MAN2B2: variants seen among roughly 807,000 people sequenced by gnomAD.
MAN2B2 encodes mannosidase alpha class 2B member 2.
Under a neutral mutation model 117.1 loss-of-function variants are expected in MAN2B2, and 106 were observed. That is an observed-to-expected ratio of 0.90 (90% CI 0.77 to 1.06). MAN2B2 has a LOEUF of 1.06. Ranked by LOEUF, MAN2B2 falls within the 50% of genes least tolerant of loss-of-function variation. The pLI is 0.00. For synonymous variants in MAN2B2, 544 were observed against 595.1 expected (o/e 0.91, Z 1.25); for missense variants, 1,326 against 1,381.4 (o/e 0.96, Z 0.64).
In MAN2B2 at chr4:6,575,245, C is replaced by G; in HGVS notation, c.35C>G (p.Pro12Arg). The change falls in exon 1 of 19, where the codon CCG becomes CGG. Residue 12 changes from proline (P) to arginine (R), a missense_variant. Coordinates refer to ENST00000285599, the MANE Select transcript of MAN2B2 (RefSeq NM_015274.3). Reference sequence around the variant, plus strand: ...CTGTGCTGGCTGCCGCTGCTGGCACCGCTCCTGTTGCTGCGACCGCCAGGG... The same window carrying G: ...CTGTGCTGGCTGCCGCTGCTGGCACGGCTCCTGTTGCTGCGACCGCCAGGG... ...GQLCWLPLLAPLLLLRPPGVQ... is the reference protein window; with the variant it reads ...GQLCWLPLLARLLLLRPPGVQ... 1 of 1,542,630 alleles carries G rather than the reference C, an allele frequency of 6.5e-7. No homozygotes were observed. The highest frequency in any genetic ancestry group is 1.2e-5 in the South Asian group (1 of 84,452).
intron 3 of MAN2B2, among the ~76,000 whole-genome samples, chr4:6,578,980 GATGACCATCACTACCACTACCATC>G (rs1726177566): frequency 1.2e-5 from 1 of 84,624 alleles, no homozygotes; most frequent in African/African-American, 4.3e-5. Flanking sequence ...CCACCACCAC[GATGACCATCACTACCACTACCATC>G]ACCACCACCA....
chr4:6,590,391 A>G (rs892961348), intron 5 of MAN2B2, among the ~76,000 whole-genome samples: 3 of 152,070 alleles, frequency 2.0e-5, no homozygotes, highest in Non-Finnish European at 4.4e-5. Flanking sequence ...GTCTCAATCA[A>G]TCAATCAATC....
intron 2 of MAN2B2, among the ~76,000 whole-genome samples, chr4:6,577,474 C>T (rs1416480016): frequency 1.3e-5 from 2 of 152,182 alleles, no homozygotes; most frequent in African/African-American, 4.8e-5. Context: ...GAGAGCAGGG[C>T]GTCCACCAGG....
At chr4:6,589,330 T>A (rs1726771301) in intron 5 of MAN2B2, among the ~76,000 whole-genome samples, 170 bp downstream of exon 5, 1 of 152,194 alleles carries the variant, frequency 6.6e-6, no homozygotes, top group Non-Finnish European at 1.5e-5. Flanking sequence ...AACCTCCGCC[T>A]CCTGGGTTCA....
At chr4:6,587,206 G>T (rs558834192) in intron 4 of MAN2B2, 38 bp downstream of exon 4, 3 of 1,596,342 alleles carry the variant, frequency 1.9e-6, no homozygotes, top group Admixed American at 1.7e-5. Flanking sequence ...CCCAGCGACC[G>T]CTCCTCCCTT....
intron 3 of MAN2B2, among the ~76,000 whole-genome samples, chr4:6,582,501 G>A (rs553768892): frequency 2.6e-5 from 4 of 152,124 alleles, no homozygotes; most frequent in African/African-American, 9.6e-5. Flanking sequence ...ACCATGCCCA[G>A]CTAATTTTCA....
At chr4:6,602,738 C>G (rs932987945) in intron 10 of MAN2B2, among the ~76,000 whole-genome samples, 13 of 150,972 alleles carry the variant, frequency 8.6e-5, no homozygotes, top group African/African-American at 2.9e-4. Context: ...GGCACAATCA[C>G]AGCTCACTGC....
chr4:6,591,286 G>T (rs1170560025), intron 5 of MAN2B2, among the ~76,000 whole-genome samples: 2 of 152,218 alleles, frequency 1.3e-5, no homozygotes, highest in East Asian at 1.9e-4. Flanking sequence ...TGAGGGAGGG[G>T]TCCTCACCCT....
At chr4:6,620,754 G>A (rs1577300351) in intron 18 of MAN2B2, 2 of 167,382 alleles carry the variant, frequency 1.2e-5, no homozygotes, top group Admixed American at 6.2e-5. Context: ...ATAAGTGGAC[G>A]GCTCCCTCCC....
chr4:6,597,209 T>C lies in MAN2B2; in HGVS notation c.1154T>C (p.Met385Thr), dbSNP rs755253715. ...ASALLYAGES[M>T]FTRYLWPAPR... ...GCCTTGTTGTATGCCGGGGAGTCCA[T>C]GTTCACACGCTACCTGTGGCCGGCC... The change falls in exon 8 of 19, where the codon ATG becomes ACG. Residue 385 changes from methionine to threonine, a missense_variant. Transcript: ENST00000285599. 3.7e-6 allele frequency: 6 copies of C among 1,611,226 alleles called. No homozygotes were observed. Among genetic ancestry groups the C allele is most frequent in the African/African-American group, 1.3e-5 (1 of 74,986 alleles).
chr4:6,600,276 C>T (rs1294189744), intron 9 of MAN2B2, among the ~76,000 whole-genome samples: 2 of 152,208 alleles, frequency 1.3e-5, no homozygotes, highest in Non-Finnish European at 2.9e-5. Flanking sequence ...AGCTGGGTCA[C>T]CTTGGGCAAG....
intron 15 of MAN2B2, among the ~76,000 whole-genome samples, 197 bp from the exon 16 acceptor site, chr4:6,614,021 T>C (rs1044923078): frequency 4.3e-4 from 66 of 152,210 alleles, no homozygotes; most frequent in African/African-American, 1.4e-3. Context: ...AGCTCTATGG[T>C]CTGAGCAAAG....
chr4:6,590,001 A>G (rs1297214745), intron 5 of MAN2B2, among the ~76,000 whole-genome samples: 1 of 152,022 alleles, frequency 6.6e-6, no homozygotes, highest in Non-Finnish European at 1.5e-5. Flanking sequence ...CAGGAGTTGG[A>G]GGCTACAGTG....
At position 6,610,026 on chromosome 4, in the gene MAN2B2, C is replaced by T. The variant is rs756898339; in HGVS notation, c.2235C>T (p.Ser745=). The T allele has an allele frequency of 2.5e-6, 4 of 1,614,164 alleles. No individual in the cohort carries two copies. Among genetic ancestry groups the T allele is most frequent in the East Asian group, 2.2e-5 (1 of 44,876 alleles). The change falls in exon 13 of 19, where the codon TCC becomes TCT. Residue 745 remains serine, a synonymous_variant. Transcript: ENST00000285599. The stretch of plus-strand genomic sequence containing the variant: ...AGATGCAGCGGAGGCCCTACGTTTC[C>T]TATGTGAACAACAGCATCGCCCGGG... ...GYQMQRRPYV[S]YVNNSIARNY...
chr4:6,621,297 A>T lies in MAN2B2; in HGVS notation c.*12A>T, dbSNP rs774676374. The T allele has an allele frequency of 1.2e-6, 2 of 1,608,248 alleles. No individual in the cohort carries two copies. Among genetic ancestry groups the T allele is most frequent in the African/African-American group, 2.7e-5 (2 of 74,792 alleles). ...TTCAACAGCAGTGAGCCCTGGGCAG[A>T]TGCCCCGGCCCCAGGGCTTCCCCCA... is the stretch of plus-strand genomic sequence containing the variant. On this transcript the variant is annotated 3_prime_UTR_variant, in exon 19 of 19. Coordinates refer to ENST00000285599, the MANE Select transcript of MAN2B2 (RefSeq NM_015274.3).
At chr4:6,587,629 G>A (rs974790070) in intron 4 of MAN2B2, among the ~76,000 whole-genome samples, 2 of 152,272 alleles carry the variant, frequency 1.3e-5, no homozygotes, top group South Asian at 2.1e-4. Flanking sequence ...CATGGTAGAC[G>A]CTGCCTTCGA....
Position 6,598,444 on chromosome 4 carries a change from G to C in MAN2B2, c.1405+90G>C, listed in dbSNP as rs1727196213. On this transcript the variant is annotated intron_variant, in intron 9 of 18. Coordinates refer to ENST00000285599, the MANE Select transcript of MAN2B2 (RefSeq NM_015274.3). ...GAGGGGCTCAACGACCCCAGCTTCA[G>C]ACTCTGAGTCCACATCACCCATATC... 3 of 1,387,468 alleles carry C rather than the reference G, an allele frequency of 2.2e-6. No individual in the cohort carries two copies. The Admixed American group carries it at 6.6e-5, about 30-fold the overall frequency. The allele number at this position is 1,387,468 out of a possible 1,614,324, so 85.9% of individuals were successfully genotyped here.
In MAN2B2 at chr4:6,598,295, T is replaced by C; in HGVS notation, c.1346T>C (p.Leu449Pro). 1.2e-6 allele frequency: 2 copies of C among 1,613,622 alleles called. No homozygotes were observed. Among genetic ancestry groups the C allele is most frequent in the Non-Finnish European group, 1.7e-6 (2 of 1,180,032 alleles). ...TCGGGGATGCTGGGCATGCGCAAGC[T>C]GATGGCCTCCATCGTCCTAGATGAG... is the stretch of plus-strand genomic sequence containing the variant. Reference protein sequence around the residue: ...LASGMLGMRKLMASIVLDELQ... With the variant: ...LASGMLGMRKPMASIVLDELQ... Residue 449 changes from leucine to proline, a missense_variant, in exon 9 of 19, where the codon CTG becomes CCG. Physicochemically the swap from Leu to Pro is moderately conservative, Grantham distance 98 (BLOSUM62 -3). Coordinates refer to ENST00000285599, the MANE Select transcript of MAN2B2 (RefSeq NM_015274.3).
chr4:6,605,381 G>C, intron 11 of MAN2B2, 52 bp downstream of exon 11: 1 of 1,555,268 alleles, frequency 6.4e-7, no homozygotes. Flanking sequence ...TGGAGCCTGG[G>C]CATGTCAGGC....
Sources: allele counts gnomAD v4.1 joint callset (sites outside exome capture counted in the v4.1 genomes callset), GRCh38; gene constraint gnomAD v4.1.1; transcripts MANE v1.5; gene names NCBI Gene and HGNC (gene_info 2026-07-23, HGNC 2026-07-21).